The following GRIK3 variants were observed in gnomAD, a reference collection of about 807,000 sequenced individuals.
The protein encoded by GRIK3 is glutamate ionotropic receptor kainate type subunit 3, also known as glutamate receptor ionotropic, kainate 3.
Under a neutral mutation model 102.5 loss-of-function variants are expected in GRIK3, and 29 were observed. That is an observed-to-expected ratio of 0.28 (90% confidence interval 0.21 to 0.39). GRIK3 has a LOEUF of 0.39. Ranked by LOEUF, GRIK3 falls within the 10% of genes least tolerant of loss-of-function variation. The pLI, the probability that GRIK3 is intolerant of heterozygous loss-of-function variation, is 1.00. For synonymous variants in GRIK3, 511 were observed against 504.9 expected (o/e 1.01, Z -0.16); for missense variants, 908 against 1,252.4 (o/e 0.73, Z 4.15).
At chr1:36,954,643 CCT>C (rs1557439040) in intron 1 of GRIK3, among the ~76,000 whole-genome samples, 1 of 152,182 alleles carries the variant, frequency 6.6e-6, no homozygotes, top group African/African-American at 2.4e-5. Flanking sequence ...CTGAGGTTCC[CCT>C]GATTACTGTA....
At chr1:36,822,004 T>C (rs1642700936) in intron 11 of GRIK3, among the ~76,000 whole-genome samples, 1 of 152,242 alleles carries the variant, frequency 6.6e-6, no homozygotes, top group Admixed American at 6.5e-5. Context: ...CCAACCTCTT[T>C]TCAGGTCAGT....
intron 1 of GRIK3, among the ~76,000 whole-genome samples, chr1:37,004,931 A>G (rs953002252): frequency 7.9e-5 from 12 of 152,216 alleles, no homozygotes; most frequent in Non-Finnish European, 1.2e-4. Context: ...AGCACCATCA[A>G]CGGCCCCAGT....
In GRIK3 at chr1:36,983,951, G is replaced by A. The variant is rs543398907; in HGVS notation, c.115+50043C>T. ...GCCCACCCATGGGGGTGGGGATGCC[G>A]CCCATAGTACCCAGCAGGGTGACTT... On this transcript the variant is annotated intron_variant, in intron 1 of 15. Coordinates refer to ENST00000373091, the MANE Select transcript of GRIK3 (RefSeq NM_000831.4). Among the ~76,000 whole-genome samples the A allele has an allele frequency of 2.0e-4, 30 of 152,222 alleles. 1 individual carries two copies. The highest frequency in any genetic ancestry group is 2.5e-4 in the Non-Finnish European group (17 of 68,010).
intron 11 of GRIK3, among the ~76,000 whole-genome samples, chr1:36,824,459 G>A (rs1048024959): frequency 1.3e-5 from 2 of 152,224 alleles, no homozygotes; most frequent in East Asian, 3.9e-4. Context: ...GCAGCACAGG[G>A]CCTGGGGAGC....
At position 36,816,726 on chromosome 1, in the gene GRIK3, C is replaced by T. The variant is rs569124241; in HGVS notation, c.2091+334G>A. Among the ~76,000 whole-genome samples the T allele has an allele frequency of 2.0e-5, 3 of 152,332 alleles. No individual in the cohort carries two copies. The East Asian group carries it at 5.8e-4, about 29-fold the overall frequency. On this transcript the variant is annotated intron_variant, in intron 13 of 15. Coordinates refer to ENST00000373091, the MANE Select transcript of GRIK3 (RefSeq NM_000831.4). ...GCCAAGGGCGGGAAGCCCCTAGGGCCTGTGTGTCTGGGTGGCTCTTCCCCT... is the reference window on the plus strand; with the variant it reads ...GCCAAGGGCGGGAAGCCCCTAGGGCTTGTGTGTCTGGGTGGCTCTTCCCCT...
At chr1:36,986,478 C>T (rs1025884327) in intron 1 of GRIK3, among the ~76,000 whole-genome samples, 6 of 140,196 alleles carry the variant, frequency 4.3e-5, no homozygotes, top group African/African-American at 1.9e-4. Flanking sequence ...ATCCATCCAT[C>T]CATCCATCCA....
chr1:36,888,424 G>A (rs2124270837), intron 2 of GRIK3, among the ~76,000 whole-genome samples: 1 of 152,298 alleles, frequency 6.6e-6, no homozygotes, highest in South Asian at 2.1e-4. Context: ...GGGCTCACAT[G>A]GTCTATATCT....
At chr1:37,016,894 G>A (rs1005551852) in intron 1 of GRIK3, among the ~76,000 whole-genome samples, 2 of 152,108 alleles carry the variant, frequency 1.3e-5, no homozygotes, top group African/African-American at 2.4e-5. Flanking sequence ...AAGCAAAGAG[G>A]TTAGTCTTCA....
intron 9 of GRIK3, among the ~76,000 whole-genome samples, chr1:36,842,614 A>G (rs2124217801): frequency 6.6e-6 from 1 of 152,024 alleles, no homozygotes. Context: ...GGTAACAGGG[A>G]CAGCTCATCG....
Position 36,805,038 on chromosome 1 carries a change from C to CACCAGCACAGAGAGG in GRIK3, c.2499_2513dup (p.Leu834_Val838dup). The CACCAGCACAGAGAGG allele has an allele frequency of 6.2e-7, 1 of 1,614,192 alleles. No homozygotes were observed. The highest frequency in any genetic ancestry group is 8.5e-7 in the Non-Finnish European group (1 of 1,180,034). ...GCTTGTACACAAACTCGCCCACGGCCACCAGCACAGAGAGGACCAGCCCGG... is the reference window on the plus strand; with the variant it reads ...GCTTGTACACAAACTCGCCCACGGCCACCAGCACAGAGAGGACCAGCACAGAGAGGACCAGCCCGG... On this transcript the variant is annotated inframe_insertion, in exon 15 of 16. Transcript: ENST00000373091.
rs376563850 is a variant in GRIK3, at chr1:36,896,991, A to G, written c.116-5895T>C. Among the ~76,000 whole-genome samples, 107 of 152,284 alleles carry G rather than the reference A, an allele frequency of 7.0e-4. 2 individuals are homozygous for G. In the South Asian group the frequency reaches 8.7e-3, roughly 12 times the overall value. On this transcript the variant is annotated intron_variant, in intron 1 of 15. Coordinates refer to ENST00000373091, the MANE Select transcript of GRIK3 (RefSeq NM_000831.4). ...ACTCAACAACTAGGAACAGAAGGGA[A>G]CTATCTCAACATAATAAAAGCCATT... is the stretch of plus-strand genomic sequence containing the variant.
At chr1:36,888,856 T>C (rs943556182) in intron 2 of GRIK3, among the ~76,000 whole-genome samples, 2 of 152,146 alleles carry the variant, frequency 1.3e-5, no homozygotes, top group Non-Finnish European at 2.9e-5. Context: ...TCTCATTTTC[T>C]GGTTGTTATA....
intron 13 of GRIK3, among the ~76,000 whole-genome samples, chr1:36,816,645 G>A (rs1181086377): frequency 6.6e-6 from 1 of 152,166 alleles, no homozygotes; most frequent in African/African-American, 2.4e-5. Context: ...TGGCCCTGCT[G>A]CTGTCTCCCC....
At chr1:36,997,148 C>T (rs1257710103) in intron 1 of GRIK3, among the ~76,000 whole-genome samples, 1 of 152,146 alleles carries the variant, frequency 6.6e-6, no homozygotes, top group Non-Finnish European at 1.5e-5. Context: ...CCTCCAAGGA[C>T]TTACAGATTG....
At chr1:36,804,389 G>C (rs376385163) in intron 15 of GRIK3, among the ~76,000 whole-genome samples, 1 of 152,170 alleles carries the variant, frequency 6.6e-6, no homozygotes, top group African/African-American at 2.4e-5. Flanking sequence ...CAGGGCATTA[G>C]CACTTGAAAA....
chr1:36,888,471 T>C (rs371744818), intron 2 of GRIK3, among the ~76,000 whole-genome samples: 1 of 152,134 alleles, frequency 6.6e-6, no homozygotes, highest in East Asian at 1.9e-4. Context: ...TTGATCTAGC[T>C]TGAGTAGGTG....
chr1:36,856,047 G>A (rs1640647592), intron 7 of GRIK3, among the ~76,000 whole-genome samples: 1 of 152,238 alleles, frequency 6.6e-6, no homozygotes, highest in Non-Finnish European at 1.5e-5. Context: ...ATGGTGCCTA[G>A]GGAGCTGGGG....
chr1:36,810,401 C>A (rs959733108), intron 13 of GRIK3, among the ~76,000 whole-genome samples: 1 of 152,226 alleles, frequency 6.6e-6, no homozygotes, highest in Non-Finnish European at 1.5e-5. Context: ...ACAACCAATA[C>A]ACGGCGGTGT....
intron 1 of GRIK3, among the ~76,000 whole-genome samples, chr1:36,904,704 C>T (rs957297462): frequency 6.6e-6 from 1 of 152,004 alleles, no homozygotes; most frequent in African/African-American, 2.4e-5. Flanking sequence ...TAGGATGATA[C>T]GGTACAGTGA....
Sources: gnomAD v4.1 joint callset for allele counts (sites outside exome capture counted in the v4.1 genomes callset) on GRCh38, gnomAD v4.1.1 for gene constraint, MANE v1.5 for transcripts, NCBI Gene and HGNC (gene_info 2026-07-23, HGNC 2026-07-21) for gene names.